Variants in TPST1 observed in about 807,000 individuals in gnomAD.
TPST1 encodes protein-tyrosine sulfotransferase 1.
TPST1 carries 20 observed loss-of-function variants against 34.8 expected under a neutral mutation model. The ratio of observed to expected loss-of-function variants is 0.57; its 90% CI spans 0.40 to 0.84. TPST1 has a LOEUF of 0.84. Ranked by LOEUF, TPST1 falls within the 40% of genes least tolerant of loss-of-function variation. TPST1 has a pLI of 0.00. For missense variants in TPST1, 353 were observed against 455.5 expected, an observed-to-expected ratio of 0.78 and a Z score of 2.05; for synonymous variants, 152 against 159.4, an observed-to-expected ratio of 0.95 and a Z score of 0.35.
intron 3 of TPST1, among the ~76,000 whole-genome samples, chr7:66,335,295 C>T (rs1170239603): frequency 6.6e-6 from 1 of 151,686 alleles, no homozygotes; most frequent in African/African-American, 2.4e-5. Flanking sequence ...ACTTCTACCA[C>T]AAAAACAAAA....
chr7:66,345,224 C>G (rs117101113), intron 3 of TPST1, among the ~76,000 whole-genome samples: 1 of 151,120 alleles, frequency 6.6e-6, no homozygotes, highest in African/African-American at 2.4e-5. Flanking sequence ...ATGCCAGGTG[C>G]GGTGGCTCAC....
intron 2 of TPST1, among the ~76,000 whole-genome samples, chr7:66,254,304 G>A (rs941036223): frequency 2.6e-5 from 4 of 152,016 alleles, no homozygotes; most frequent in Non-Finnish European, 5.9e-5. Flanking sequence ...ATTTTATAAT[G>A]TTCTTCATAA....
At chr7:66,265,557 AAAAAAAG>A (rs952974785) in intron 2 of TPST1, among the ~76,000 whole-genome samples, 1 of 152,012 alleles carries the variant, frequency 6.6e-6, no homozygotes, top group Non-Finnish European at 1.5e-5. Flanking sequence ...CTCAAAAAAA[AAAAAAAG>A]AAAAAAGAAA....
rs774567880 is a variant in TPST1, at chr7:66,241,138, A to G, written c.713A>G (p.His238Arg). The change falls in exon 2 of 6, where the codon CAC becomes CGC. Residue 238 changes from histidine to arginine, a missense_variant. His to Arg is a conservative substitution (Grantham distance 29). Transcript: ENST00000304842. The part of the protein sequence containing the change: ...EVGYKKCMLV[H>R]YEQLVLHPER... ...GGTTATAAAAAGTGCATGTTGGTTC[A>G]CTATGAACAACTTGTCTTACATCCT... 8 of 1,614,194 alleles carry G rather than the reference A, an allele frequency of 5.0e-6. No homozygotes were observed. The highest frequency in any genetic ancestry group is 1.7e-5 in the Admixed American group (1 of 60,024).
chr7:66,227,028 C>CTTTTTTTTTTTTTTTTTTTTTTTTT (rs546339747), intron 1 of TPST1, among the ~76,000 whole-genome samples: 2 of 69,200 alleles, frequency 2.9e-5, no homozygotes, highest in African/African-American at 1.3e-4. Flanking sequence ...TTAAAATAAG[C>CTTTTTTTTTTTTTTTTTTTTTTTTT]TTTTTTTTTT....
intron 4 of TPST1, among the ~76,000 whole-genome samples, chr7:66,353,344 C>T (rs1159424412): frequency 6.6e-6 from 1 of 152,084 alleles, no homozygotes; most frequent in Non-Finnish European, 1.5e-5. Flanking sequence ...GTGGCGAGGC[C>T]TCTGGTCCCA....
intron 2 of TPST1, among the ~76,000 whole-genome samples, chr7:66,266,587 G>A (rs1163714140): frequency 2.0e-5 from 3 of 152,210 alleles, no homozygotes; most frequent in Non-Finnish European, 4.4e-5. Context: ...AATATTTATA[G>A]CAGCACTATT....
intron 2 of TPST1, among the ~76,000 whole-genome samples, chr7:66,255,466 A>G (rs892486510): frequency 6.6e-6 from 1 of 152,230 alleles, no homozygotes. Flanking sequence ...AGAATTCCCA[A>G]TACCAACAGT....
At chr7:66,238,648 G>A (rs1789961372) in intron 1 of TPST1, among the ~76,000 whole-genome samples, 1 of 152,084 alleles carries the variant, frequency 6.6e-6, no homozygotes, top group Non-Finnish European at 1.5e-5. Context: ...GTATTATGGA[G>A]GGTAATCCAC....
chr7:66,206,316 A>G (rs1028279217), intron 1 of TPST1, among the ~76,000 whole-genome samples: 3 of 152,056 alleles, frequency 2.0e-5, no homozygotes, highest in African/African-American at 7.2e-5. Flanking sequence ...CATAACATGT[A>G]AAGTCCCTTG....
intron 2 of TPST1, among the ~76,000 whole-genome samples, chr7:66,262,550 T>A (rs1790508883): frequency 6.6e-6 from 1 of 152,132 alleles, no homozygotes; most frequent in Non-Finnish European, 1.5e-5. Flanking sequence ...TTTTTTAGCT[T>A]TTTCTTCCAT....
At chr7:66,214,372 C>T (rs1050300800) in intron 1 of TPST1, among the ~76,000 whole-genome samples, 3 of 150,546 alleles carry the variant, frequency 2.0e-5, no homozygotes, top group Non-Finnish European at 4.4e-5. Flanking sequence ...TTAATATTTA[C>T]TAATTTTTTT....
chr7:66,253,516 C>T (rs143044897), intron 2 of TPST1, among the ~76,000 whole-genome samples: 2 of 151,580 alleles, frequency 1.3e-5, no homozygotes, highest in Non-Finnish European at 2.9e-5. Flanking sequence ...GGACTACAGG[C>T]GTGTGCCACC....
chr7:66,208,217 G>A (rs546915503), intron 1 of TPST1, among the ~76,000 whole-genome samples: 6 of 152,184 alleles, frequency 3.9e-5, no homozygotes, highest in Admixed American at 3.3e-4. Flanking sequence ...CCCTTCCTGG[G>A]CCCTTTGTGA....
intron 1 of TPST1, among the ~76,000 whole-genome samples, chr7:66,236,412 A>G (rs1450978257): frequency 6.6e-6 from 1 of 152,112 alleles, no homozygotes; most frequent in Admixed American, 6.6e-5. Context: ...ATATATATGT[A>G]TATACACACA....
At chr7:66,295,870 A>C (rs1451631022) in intron 3 of TPST1, among the ~76,000 whole-genome samples, 1 of 152,046 alleles carries the variant, frequency 6.6e-6, no homozygotes, top group Non-Finnish European at 1.5e-5. Flanking sequence ...CAAACTCCTG[A>C]CCTCAAGTGA....
At chr7:66,253,136 C>A (rs1238737479) in intron 2 of TPST1, among the ~76,000 whole-genome samples, 1 of 152,086 alleles carries the variant, frequency 6.6e-6, no homozygotes, top group Non-Finnish European at 1.5e-5. Flanking sequence ...GATGTGTGGG[C>A]ATCGTTAGGT....
chr7:66,237,753 T>C (rs531720219), intron 1 of TPST1, among the ~76,000 whole-genome samples: 2 of 152,224 alleles, frequency 1.3e-5, no homozygotes, highest in East Asian at 3.9e-4. Context: ...AGAAAGAGAC[T>C]GATTTTAAGG....
chr7:66,235,310 C>T (rs1489661413), intron 1 of TPST1, among the ~76,000 whole-genome samples: 1 of 151,626 alleles, frequency 6.6e-6, no homozygotes, highest in African/African-American at 2.4e-5. Flanking sequence ...CCTGCATAGA[C>T]ATTTTAATGC....
Sources: gnomAD v4.1 joint callset for allele counts (sites outside exome capture counted in the v4.1 genomes callset) on GRCh38, gnomAD v4.1.1 for gene constraint, MANE v1.5 for transcripts, NCBI Gene and HGNC (gene_info 2026-07-23, HGNC 2026-07-21) for gene names.